NFIB: variants seen among roughly 807,000 people sequenced by gnomAD.
NFIB encodes the protein nuclear factor I B, also known as nuclear factor 1 B-type.
Under a neutral mutation model 61.5 loss-of-function variants are expected in NFIB, and 11 were observed. The ratio of observed to expected loss-of-function variants is 0.18; its 90% CI spans 0.11 to 0.30. NFIB has a LOEUF of 0.30. Ranked by LOEUF, NFIB falls within the 10% of genes least tolerant of loss-of-function variation. The pLI is 1.00. For missense variants in NFIB, 471 were observed against 608.9 expected (o/e 0.77, Z 2.38); for synonymous variants, 260 against 216.5 (o/e 1.20, Z -1.76).
the NFIB span, among the ~76,000 whole-genome samples, chr9:14,441,131 G>A: frequency 2.1e-5 from 2 of 93,636 alleles, no homozygotes; most frequent in Non-Finnish European, 4.7e-5. Flanking sequence ...CTTTGAGTGG[G>A]TTCAAAAAAA....
intron 10 of NFIB, among the ~76,000 whole-genome samples, chr9:14,103,962 G>A (rs2036165592): frequency 6.6e-6 from 1 of 151,046 alleles, no homozygotes; most frequent in Non-Finnish European, 1.5e-5. Context: ...TCATCACCCA[G>A]GCTGGAATGT....
At chr9:14,525,098 G>C in the NFIB span, among the ~76,000 whole-genome samples, 2 of 152,126 alleles carry the variant, frequency 1.3e-5, no homozygotes, top group African/African-American at 4.8e-5. Flanking sequence ...CATTTCCAAA[G>C]AATTCAACTA....
chr9:14,473,541 G>A, the NFIB span, among the ~76,000 whole-genome samples: 1 of 152,170 alleles, frequency 6.6e-6, no homozygotes, highest in South Asian at 2.1e-4. Context: ...TCACCACTGT[G>A]TTGCTTCTCA....
the NFIB span, among the ~76,000 whole-genome samples, chr9:14,498,539 G>T: frequency 6.6e-6 from 1 of 152,290 alleles, no homozygotes. Context: ...ATACACTCGA[G>T]AACAACATCA....
intron 1 of NFIB, among the ~76,000 whole-genome samples, chr9:14,373,641 AGTGTGTGTGTGT>A (rs56764067): frequency 1.3e-4 from 19 of 143,246 alleles, no homozygotes; most frequent in East Asian, 4.3e-4. Context: ...TGTCCACATG[AGTGTGTGTGTGT>A]GTGTGTGTGT....
chr9:14,304,930 A>C (rs1185372231), intron 2 of NFIB, among the ~76,000 whole-genome samples: 2 of 152,224 alleles, frequency 1.3e-5, no homozygotes, highest in Non-Finnish European at 2.9e-5. Flanking sequence ...GGAAGAACCA[A>C]CAGATGTTAA....
chr9:14,235,158 C>G (rs1445771333), intron 2 of NFIB, among the ~76,000 whole-genome samples: 2 of 152,050 alleles, frequency 1.3e-5, no homozygotes, highest in African/African-American at 4.8e-5. Context: ...AGAATAAACA[C>G]CAAGCTCAGA....
chr9:14,456,878 T>C, the NFIB span, among the ~76,000 whole-genome samples: 17 of 152,306 alleles, frequency 1.1e-4, no homozygotes, highest in African/African-American at 4.1e-4. Flanking sequence ...GAAATGGCAA[T>C]GGCAACATTA....
intron 2 of NFIB, among the ~76,000 whole-genome samples, chr9:14,231,042 C>A (rs2053071021): frequency 6.7e-6 from 1 of 148,862 alleles, no homozygotes; most frequent in South Asian, 2.1e-4. Context: ...AGAGCTGCCA[C>A]TCTGTCACTA....
rs1563932366 is a variant in NFIB at position 14,237,762 on chromosome 9, C to CTGTG, written c.563-57983_563-57982insCACA. On this transcript the variant is annotated intron_variant, in intron 2 of 10. Transcript: ENST00000380953. Reference sequence around the variant, plus strand: ...AAGCTCCTCACCCTGCTAGGTATAACAGTGTGTGTGTGTGTGTGTGTGTGT... The same window carrying CTGTG: ...AAGCTCCTCACCCTGCTAGGTATAACTGTGAGTGTGTGTGTGTGTGTGTGTGTGT... Among the ~76,000 whole-genome samples, 236 of 105,880 alleles carry CTGTG rather than the reference C, an allele frequency of 2.2e-3. 17 individuals are homozygous for CTGTG. The highest frequency in any genetic ancestry group is 9.3e-3 in the African/African-American group (227 of 24,376). The allele number at this position is 105,880 out of a possible 152,430, so 69.5% of individuals were successfully genotyped here.
intron 3 of NFIB, among the ~76,000 whole-genome samples, chr9:14,170,129 T>A (rs2045402921): frequency 6.6e-6 from 1 of 152,162 alleles, no homozygotes; most frequent in Non-Finnish European, 1.5e-5. Context: ...GACAGTTTAG[T>A]CCAGCGAGCT....
chr9:14,341,514 T>A (rs761142635), intron 1 of NFIB, among the ~76,000 whole-genome samples: 2 of 152,116 alleles, frequency 1.3e-5, no homozygotes, highest in African/African-American at 2.4e-5. Context: ...TCAGAAGTGC[T>A]GGGAAGGGAC....
chr9:14,343,169 T>C lies in NFIB; in HGVS notation c.109-35649A>G, dbSNP rs573207568. 3.3e-5 allele frequency among the ~76,000 whole-genome samples: 5 copies of C among 152,290 alleles called. No individual in the cohort carries two copies. In the South Asian group the frequency reaches 8.3e-4, roughly 25 times the overall value. ...CAGTTTAGTCCTGTTTTTCCCACAA[T>C]CTTCTGACAGTTGAAATTTCCCCTG... On this transcript the variant is annotated intron_variant, in intron 1 of 8. Transcript: ENST00000380934.
intron 2 of NFIB, among the ~76,000 whole-genome samples, chr9:14,243,425 TG>T (rs2054552605): frequency 6.6e-6 from 1 of 152,160 alleles, no homozygotes; most frequent in African/African-American, 2.4e-5. Context: ...TCAGGTGGGC[TG>T]TCTTGACCAT....
intron 2 of NFIB, among the ~76,000 whole-genome samples, chr9:14,226,855 CT>C (rs775103705): frequency 2.0e-5 from 3 of 151,914 alleles, no homozygotes; most frequent in Non-Finnish European, 2.9e-5. Context: ...AGTAAGAAAT[CT>C]TGGCCAGGCA....
chr9:14,366,624 A>G (rs1401334548), intron 1 of NFIB, among the ~76,000 whole-genome samples: 2 of 151,854 alleles, frequency 1.3e-5, no homozygotes, highest in East Asian at 3.9e-4. Context: ...TAGTTGGGAT[A>G]ACAGGCACGT....
intron 3 of NFIB, among the ~76,000 whole-genome samples, chr9:14,165,897 T>C (rs1446044376): frequency 6.6e-6 from 1 of 152,124 alleles, no homozygotes; most frequent in Non-Finnish European, 1.5e-5. Flanking sequence ...TGAGTTTCAG[T>C]TTTGCAAGAT....
At chr9:14,336,468 G>A (rs944264393) in intron 1 of NFIB, among the ~76,000 whole-genome samples, 1 of 152,208 alleles carries the variant, frequency 6.6e-6, no homozygotes, top group Non-Finnish European at 1.5e-5. Context: ...TGGAAGGTGG[G>A]AAGGAGGAGA....
chr9:14,173,248 C>T (rs944311004), intron 3 of NFIB, among the ~76,000 whole-genome samples: 1 of 152,168 alleles, frequency 6.6e-6, no homozygotes, highest in Non-Finnish European at 1.5e-5. Context: ...CTGACTTGCT[C>T]ATTCTCCTGA....
Sources: allele counts gnomAD v4.1 joint callset (sites outside exome capture counted in the v4.1 genomes callset), GRCh38; gene constraint gnomAD v4.1.1; transcripts MANE v1.5; gene names NCBI Gene and HGNC (gene_info 2026-07-23, HGNC 2026-07-21).